SHISA9: variants seen among roughly 807,000 people sequenced by gnomAD.
The protein encoded by SHISA9 is protein shisa-9.
SHISA9 carries 13 observed loss-of-function variants against 38.0 expected under a neutral mutation model. That is an observed-to-expected ratio of 0.34 (90% CI 0.22 to 0.54). The LOEUF is 0.54. SHISA9 is among the 20% of genes least tolerant of loss of function. The probability of loss-of-function intolerance (pLI) is 0.91; values close to 1 mark genes in which losing one functional copy is unlikely to be tolerated. For missense variants in SHISA9, 538 were observed against 575.8 expected (o/e 0.93, Z 0.67); for synonymous variants, 275 against 242.0 (o/e 1.14, Z -1.27).
Position 13,022,561 on chromosome 16 carries a change from C to A in SHISA9, c.691+105746C>A, listed in dbSNP as rs566291453. 6.8e-4 allele frequency among the ~76,000 whole-genome samples: 103 copies of A among 152,166 alleles called. 1 individual carries two copies. The highest frequency in any genetic ancestry group is 4.3e-3 in the East Asian group (22 of 5,168). On this transcript the variant is annotated intron_variant, in intron 2 of 4. Transcript: ENST00000558583. Reference sequence around the variant, plus strand: ...GGCCAGGCTTGTCTTGAACTCCTGACCTCAGGTGATCCACCTGTCTCGGGC... The same window carrying A: ...GGCCAGGCTTGTCTTGAACTCCTGAACTCAGGTGATCCACCTGTCTCGGGC...
chr16:13,476,489 C>T, the SHISA9 span, among the ~76,000 whole-genome samples: 3 of 152,184 alleles, frequency 2.0e-5, no homozygotes, highest in Non-Finnish European at 2.9e-5. Context: ...AGGACCTAGA[C>T]TGAACCCCTG....
At chr16:12,954,191 C>A (rs2071798131) in intron 2 of SHISA9, among the ~76,000 whole-genome samples, 1 of 152,206 alleles carries the variant, frequency 6.6e-6, no homozygotes, top group South Asian at 2.1e-4. Flanking sequence ...AAGGGCATGG[C>A]TGAGCAGCAG....
the SHISA9 span, among the ~76,000 whole-genome samples, chr16:13,540,011 A>G: frequency 1.3e-5 from 2 of 152,154 alleles, no homozygotes; most frequent in Non-Finnish European, 2.9e-5. Context: ...TGGACATTTT[A>G]GGTGGATTCC....
At chr16:13,372,981 CATAAA>C in the SHISA9 span, among the ~76,000 whole-genome samples, 2 of 152,112 alleles carry the variant, frequency 1.3e-5, no homozygotes, top group Non-Finnish European at 2.9e-5. Flanking sequence ...GTGCTTTAAA[CATAAA>C]ATAGTAAGTT....
At position 12,983,235 on chromosome 16, in the gene SHISA9, C is replaced by T. The variant is rs113768008; in HGVS notation, c.691+66420C>T. On this transcript the variant is annotated intron_variant, in intron 2 of 4. Coordinates refer to ENST00000558583, the MANE Select transcript of SHISA9 (RefSeq NM_001145204.3). Reference sequence around the variant, plus strand: ...GAGACAGAGCTTATGTGGCTTGTGGCAGCGGGGAGTGGCTTGGAGGACAAG... The same window carrying T: ...GAGACAGAGCTTATGTGGCTTGTGGTAGCGGGGAGTGGCTTGGAGGACAAG... Among the ~76,000 whole-genome samples the T allele has an allele frequency of 9.9e-3, 1,501 of 152,302 alleles. 25 individuals carry two copies. The highest frequency in any genetic ancestry group is 0.044 in the Admixed American group (676 of 15,302).
chr16:13,010,309 A>AT (rs1379907485), intron 2 of SHISA9, among the ~76,000 whole-genome samples: 1 of 152,236 alleles, frequency 6.6e-6, no homozygotes, highest in African/African-American at 2.4e-5. Context: ...AACAAAATGC[A>AT]TTAATGTTTC....
the SHISA9 span, among the ~76,000 whole-genome samples, chr16:13,469,415 AAGAAAG>A: frequency 1.6e-5 from 2 of 122,522 alleles, no homozygotes; most frequent in African/African-American, 3.2e-5. Flanking sequence ...GAAAGAAAGA[AAGAAAG>A]AAAAAGAAAG....
the SHISA9 span, among the ~76,000 whole-genome samples, chr16:13,470,405 G>A: frequency 0.3 from 46,046 of 152,106 alleles, 7,229 homozygotes; most frequent in East Asian, 0.39. Flanking sequence ...GGTAGTTTAT[G>A]AAGGAAAGAG....
chr16:12,954,667 T>G (rs1665761363), intron 2 of SHISA9, among the ~76,000 whole-genome samples: 1 of 152,234 alleles, frequency 6.6e-6, no homozygotes, highest in Non-Finnish European at 1.5e-5. Context: ...TATTTTTACC[T>G]TATTTAATCC....
intron 2 of SHISA9, among the ~76,000 whole-genome samples, chr16:12,978,031 T>A (rs1269169003): frequency 6.6e-6 from 1 of 151,290 alleles, no homozygotes; most frequent in Non-Finnish European, 1.5e-5. Flanking sequence ...AGTGGGTGAA[T>A]AAAGATGGGG....
intron 2 of SHISA9, among the ~76,000 whole-genome samples, chr16:13,073,491 C>T (rs1273985468): frequency 1.3e-5 from 2 of 152,114 alleles, no homozygotes; most frequent in African/African-American, 2.4e-5. Flanking sequence ...AGCAGCATCA[C>T]CTGGGAATTT....
At chr16:12,968,710 C>T (rs2072013933) in intron 2 of SHISA9, among the ~76,000 whole-genome samples, 1 of 152,096 alleles carries the variant, frequency 6.6e-6, no homozygotes, top group South Asian at 2.1e-4. Flanking sequence ...AGGTCATCTG[C>T]AAACTTTCCT....
At chr16:12,960,412 G>C (rs1426357178) in intron 2 of SHISA9, among the ~76,000 whole-genome samples, 1 of 152,132 alleles carries the variant, frequency 6.6e-6, no homozygotes, top group African/African-American at 2.4e-5. Flanking sequence ...AATCCCGTTA[G>C]TGGATATTTA....
chr16:13,148,970 C>T (rs951791886), intron 2 of SHISA9, among the ~76,000 whole-genome samples: 15 of 152,166 alleles, frequency 9.9e-5, no homozygotes, highest in Non-Finnish European at 1.0e-4. Flanking sequence ...TGATGTCTGA[C>T]GTCAGTGCCT....
chr16:12,906,315 G>T (rs1045042581), intron 1 of SHISA9, among the ~76,000 whole-genome samples: 8 of 152,160 alleles, frequency 5.3e-5, no homozygotes, highest in Non-Finnish European at 1.0e-4. Context: ...TATAAACTTT[G>T]CCCCTAGTGA....
the SHISA9 span, among the ~76,000 whole-genome samples, chr16:13,526,858 C>A: frequency 6.6e-6 from 1 of 152,170 alleles, no homozygotes; most frequent in Non-Finnish European, 1.5e-5. Flanking sequence ...GTGACCCAAA[C>A]GTACATCCAT....
intron 2 of SHISA9, among the ~76,000 whole-genome samples, chr16:13,185,289 A>G (rs1288425969): frequency 1.3e-5 from 2 of 152,052 alleles, no homozygotes; most frequent in Non-Finnish European, 2.9e-5. Context: ...GTAGCATCAA[A>G]CTCCTGGGCT....
chr16:13,214,135 C>T (rs1284682906), intron 4 of SHISA9, among the ~76,000 whole-genome samples: 1 of 152,142 alleles, frequency 6.6e-6, no homozygotes, highest in East Asian at 1.9e-4. Context: ...ACACCCTTCT[C>T]CATATGCTTT....
chr16:13,482,389 C>G, the SHISA9 span, among the ~76,000 whole-genome samples: 128,236 of 152,310 alleles, frequency 0.84, 54,136 homozygotes, highest in East Asian at 0.96. Flanking sequence ...ATTACCCCAG[C>G]GGTATTCACC....
Sources: allele counts gnomAD v4.1 joint callset (sites outside exome capture counted in the v4.1 genomes callset), GRCh38; gene constraint gnomAD v4.1.1; transcripts MANE v1.5; gene names NCBI Gene and HGNC (gene_info 2026-07-23, HGNC 2026-07-21).